JMJD1C: variants seen among roughly 807,000 people sequenced by gnomAD.
JMJD1C encodes the protein jumonji domain containing 1C, also known as jumonji domain-containing protein 1C.
Under a neutral mutation model 245.3 loss-of-function variants are expected in JMJD1C, and 31 were observed. The observed-to-expected ratio is 0.13, with a 90% CI of 0.09 to 0.17. The LOEUF is 0.17. Among genes scored for constraint, JMJD1C ranks in the 10% least tolerant of loss-of-function variants. The pLI is 1.00. For synonymous variants in JMJD1C, 1,057 were observed against 1,017.4 expected (o/e 1.04, Z -0.74); for missense variants, 2,691 against 3,000.2 (o/e 0.90, Z 2.41).
chr10:63,221,252 G>T (rs972849470), intron 3 of JMJD1C, among the ~76,000 whole-genome samples: 12 of 152,072 alleles, frequency 7.9e-5, no homozygotes, highest in Non-Finnish European at 1.5e-4. Flanking sequence ...AAATAAAAAA[G>T]GACCCCTAAT....
intron 12 of JMJD1C, among the ~76,000 whole-genome samples, chr10:63,197,770 C>T (rs1845609520): frequency 2.0e-5 from 3 of 152,206 alleles, no homozygotes; most frequent in South Asian, 2.1e-4. Flanking sequence ...ATAAAAATGC[C>T]GTACATCTAA....
At chr10:63,286,105 T>C (rs35506702) in intron 2 of JMJD1C, among the ~76,000 whole-genome samples, 4,208 of 152,318 alleles carry the variant, frequency 0.028, 75 homozygotes, top group Non-Finnish European at 0.046. Context: ...TCTGATACAC[T>C]ATCAAGTTTG....
At chr10:63,328,395 G>C (rs898964611) in intron 2 of JMJD1C, among the ~76,000 whole-genome samples, 1 of 152,118 alleles carries the variant, frequency 6.6e-6, no homozygotes, top group Admixed American at 6.5e-5. Flanking sequence ...GATAACCTTT[G>C]ATTTTGCATA....
At chr10:63,200,212 A>C (rs1276950677) in intron 11 of JMJD1C, among the ~76,000 whole-genome samples, 2 of 152,222 alleles carry the variant, frequency 1.3e-5, no homozygotes, top group Non-Finnish European at 2.9e-5. Context: ...TGTTAAGAAA[A>C]AAATCATTTT....
At chr10:63,433,877 G>C (rs533764285) in intron 1 of JMJD1C, among the ~76,000 whole-genome samples, 79 of 149,324 alleles carry the variant, frequency 5.3e-4, no homozygotes, top group African/African-American at 1.9e-3. Context: ...CACTGTACCT[G>C]GCCCATACGA....
chr10:63,472,039 A>AAAACAAAC (rs1055525050), intron 1 of JMJD1C, among the ~76,000 whole-genome samples: 2 of 152,126 alleles, frequency 1.3e-5, no homozygotes, highest in East Asian at 1.9e-4. Context: ...ACTCAGTCTC[A>AAAACAAAC]AAACAAACAA....
At chr10:63,507,410 G>A (rs1369576122) in intron 1 of JMJD1C, among the ~76,000 whole-genome samples, 1 of 152,038 alleles carries the variant, frequency 6.6e-6, no homozygotes, top group Non-Finnish European at 1.5e-5. Context: ...TTGGGAGGCT[G>A]AGGCGGGGGG....
rs374074472 is a variant in JMJD1C, at chr10:63,306,039, A to G, written c.334-41275T>C. Among the ~76,000 whole-genome samples the G allele has an allele frequency of 7.2e-5, 11 of 152,192 alleles. No individual in the cohort carries two copies. In the South Asian group the frequency reaches 2.3e-3, roughly 32 times the overall value. ...TGCCCGGTAGAGACCCCATCTCTTA[A>G]AAAAAGAAAAGAAAAAGACTTAGTC... On this transcript the variant is annotated intron_variant, in intron 2 of 25. Transcript: ENST00000399262.
At chr10:63,514,947 G>GT (rs1234704542) in intron 1 of JMJD1C, among the ~76,000 whole-genome samples, 1 of 147,518 alleles carries the variant, frequency 6.8e-6, no homozygotes, top group Non-Finnish European at 1.5e-5. Context: ...ATAATACTAA[G>GT]TATTTTTTTT....
rs573065816 is a variant in JMJD1C, at chr10:63,292,144, A to ATTTT, written c.334-27384_334-27381dup. Among the ~76,000 whole-genome samples, 32 of 56,344 alleles carry ATTTT rather than the reference A, an allele frequency of 5.7e-4. 7 individuals carry two copies. The highest frequency in any genetic ancestry group is 2.3e-3 in the East Asian group (4 of 1,748). The allele number at this position is 56,344 out of a possible 152,430, so 37.0% of individuals were successfully genotyped here. A position where few individuals can be genotyped will look rare whatever the true frequency, so the allele number is the denominator to read the frequency against. On this transcript the variant is annotated intron_variant, in intron 2 of 25. Coordinates refer to ENST00000399262, the MANE Select transcript of JMJD1C (RefSeq NM_032776.3). ...TTTTTTTTAGTTTCTGTAGAGACAGATTTTTTTTTTTTTTTTTTTGCCTAG... is the reference window on the plus strand; with the variant it reads ...TTTTTTTTAGTTTCTGTAGAGACAGATTTTTTTTTTTTTTTTTTTTTTTGCCTAG...
chr10:63,212,090 T>C (rs1273580122), intron 8 of JMJD1C, among the ~76,000 whole-genome samples: 1 of 152,224 alleles, frequency 6.6e-6, no homozygotes, highest in African/African-American at 2.4e-5. Flanking sequence ...ATAAATATTC[T>C]ATCATTCTAC....
At chr10:63,299,208 G>C (rs1042888072) in intron 2 of JMJD1C, among the ~76,000 whole-genome samples, 8 of 152,016 alleles carry the variant, frequency 5.3e-5, no homozygotes, top group South Asian at 2.1e-4. Context: ...TTGAGACAGA[G>C]TCTTGCTCTG....
At chr10:63,409,375 T>C (rs1311392684) in intron 1 of JMJD1C, among the ~76,000 whole-genome samples, 3 of 152,132 alleles carry the variant, frequency 2.0e-5, no homozygotes, top group Non-Finnish European at 4.4e-5. Context: ...TATGTAACTG[T>C]TTTTCCAAAG....
At chr10:63,193,280 A>G (rs1035180769) in intron 15 of JMJD1C, 65 bp downstream of exon 15, 186 of 1,517,384 alleles carry the variant, frequency 1.2e-4, no homozygotes, top group Middle Eastern at 8.9e-4. Flanking sequence ...CAAATTTCAA[A>G]TAAATATCAA....
chr10:63,266,802 T>C (rs759480579), intron 2 of JMJD1C, among the ~76,000 whole-genome samples: 3 of 152,182 alleles, frequency 2.0e-5, no homozygotes, highest in Non-Finnish European at 4.4e-5. Context: ...GGAGTGCCTC[T>C]TTCTTACGCA....
Position 63,465,919 on chromosome 10 carries a change from C to A in JMJD1C, c.-257G>T, listed in dbSNP as rs1443448831. 2 of 607,860 alleles carry A rather than the reference C, an allele frequency of 3.3e-6. No homozygotes were observed. The highest frequency in any genetic ancestry group is 6.0e-6 in the Non-Finnish European group (2 of 331,060). The allele number at this position is 607,860 out of a possible 1,614,324, so 37.7% of individuals were successfully genotyped here. On this transcript the variant is annotated 5_prime_UTR_variant, in exon 1 of 26. Coordinates refer to ENST00000399262, the MANE Select transcript of JMJD1C (RefSeq NM_032776.3). Reference sequence around the variant, plus strand: ...ACAAGAAAACTGAAACAAAACCCAACGCGGCCGTCGAAGACCCCGAGGCAG... The same window carrying A: ...ACAAGAAAACTGAAACAAAACCCAAAGCGGCCGTCGAAGACCCCGAGGCAG...
intron 2 of JMJD1C, among the ~76,000 whole-genome samples, chr10:63,283,853 A>T (rs534759005): frequency 6.6e-6 from 1 of 152,268 alleles, no homozygotes; most frequent in African/African-American, 2.4e-5. Context: ...ACAAAAAAAA[A>T]CCATTTAAAG....
chr10:63,495,782 G>C (rs1954346066), intron 1 of JMJD1C, among the ~76,000 whole-genome samples: 2 of 149,982 alleles, frequency 1.3e-5, no homozygotes, highest in South Asian at 4.2e-4. Flanking sequence ...GAAGAAAATT[G>C]AGAAAGGGAA....
chr10:63,309,367 G>C (rs765400685), intron 2 of JMJD1C, among the ~76,000 whole-genome samples: 1 of 151,280 alleles, frequency 6.6e-6, no homozygotes, highest in Non-Finnish European at 1.5e-5. Flanking sequence ...GGTGGCAGGC[G>C]CCTGTAATCC....
Sources: gnomAD v4.1 joint callset for allele counts (sites outside exome capture counted in the v4.1 genomes callset) on GRCh38, gnomAD v4.1.1 for gene constraint, MANE v1.5 for transcripts, NCBI Gene and HGNC (gene_info 2026-07-23, HGNC 2026-07-21) for gene names.